The following CXCR5 variants were observed in gnomAD, a reference collection of about 807,000 sequenced individuals.
CXCR5 encodes the protein C-X-C motif chemokine receptor 5, also known as C-X-C chemokine receptor type 5.
CXCR5 carries 3 observed loss-of-function variants against 5.6 expected under a neutral mutation model. The ratio of observed to expected loss-of-function variants is 0.54; its 90% CI spans 0.24 to 1.39. The LOEUF (loss-of-function observed/expected upper bound fraction) is 1.39, where lower values mean the gene tolerates loss of function less well. Among genes scored for constraint, CXCR5 ranks in the 40% most tolerant of loss-of-function variants. The probability of loss-of-function intolerance (pLI) is 0.16; values close to 1 mark genes in which losing one functional copy is unlikely to be tolerated. For synonymous variants in CXCR5, 218 were observed against 219.9 expected, an observed-to-expected ratio of 0.99 and a Z score of 0.08; for missense variants, 333 against 494.6, an observed-to-expected ratio of 0.67 and a Z score of 3.10.
Position 118,893,611 on chromosome 11 carries a change from A to G in CXCR5, c.67A>G (p.Arg23Gly). 1 of 1,595,334 alleles carries G rather than the reference A, an allele frequency of 6.3e-7. No homozygotes were observed. The highest frequency in any genetic ancestry group is 8.6e-7 in the Non-Finnish European group (1 of 1,167,376). Residue 23 changes from arginine to glycine, a missense_variant, in exon 2 of 2, where the codon AGA (arginine) becomes GGA (glycine). Transcript: ENST00000292174. The surrounding 1 kb of genome is among the most constrained non-coding windows in gnomAD (Gnocchi z 5.7). ...GCCCTTGCAGTTCTGGGAACTGGAC[A>G]GATTGGACAACTATAACGACACCTC... is the stretch of plus-strand genomic sequence containing the variant. ...NLEDLFWELD[R>G]LDNYNDTSLV...
chr11:118,889,818 G>GATGT (rs1939780500), intron 1 of CXCR5, among the ~76,000 whole-genome samples: 1 of 152,184 alleles, frequency 6.6e-6, no homozygotes, highest in Admixed American at 6.5e-5. Context: ...GGAGATGGGA[G>GATGT]CCCTAGGGAG....
intron 1 of CXCR5, among the ~76,000 whole-genome samples, chr11:118,888,913 T>C (rs1157044024): frequency 2.6e-5 from 4 of 152,088 alleles, no homozygotes; most frequent in African/African-American, 9.7e-5. Flanking sequence ...GAATCCCCAT[T>C]AGCAAATGTG....
chr11:118,889,889 G>T (rs769676156), intron 1 of CXCR5, among the ~76,000 whole-genome samples: 8 of 152,148 alleles, frequency 5.3e-5, no homozygotes, highest in Non-Finnish European at 1.0e-4. Context: ...TCTTTGAAGG[G>T]CAAGAACTTG....
rs1471634106 is a variant in CXCR5, at chr11:118,896,737, C to T, written c.*2074C>T. The T allele has an allele frequency of 6.5e-6, 1 of 152,780 alleles. No homozygotes were observed. The highest frequency in any genetic ancestry group is 6.5e-5 in the Admixed American group (1 of 15,286). The allele number at this position is 152,780 out of a possible 1,614,324, so 9.5% of individuals were successfully genotyped here. ...ACAGCTGCCAGTGCAAGACCAGGCC[C>T]TCCAGGCCAGGAAGGCTAGGGACGG... On this transcript the variant is annotated 3_prime_UTR_variant, in exon 2 of 2. Coordinates refer to ENST00000292174, the MANE Select transcript of CXCR5 (RefSeq NM_001716.5).
chr11:118,887,195 G>A, intron 1 of CXCR5: 1 of 972,400 alleles, frequency 1.0e-6, no homozygotes, highest in African/African-American at 1.8e-5. Flanking sequence ...CAGGGACGCA[G>A]GCTGCAGCTG....
Position 118,893,351 on chromosome 11 carries a change from A to G in CXCR5, c.52-245A>G. ...TATGGGGTCCAGCCCTCCAGCACTT[A>G]CAAAGCTCAGCCACCCGCACGCCTC... On this transcript the variant is annotated intron_variant, in intron 1 of 1. Transcript: ENST00000292174. This position sits in a 1 kb window ranked among gnomAD's most constrained non-coding sequence, Gnocchi z 5.7. The G allele has an allele frequency of 1.0e-6, 1 of 982,288 alleles. No individual in the cohort carries two copies. Among genetic ancestry groups the G allele is most frequent in the Non-Finnish European group, 1.2e-6 (1 of 827,094 alleles). 60.8% of individuals were successfully genotyped at this position (982,288 alleles called of 1,614,324 possible). A position where few individuals can be genotyped will look rare whatever the true frequency, so the allele number is the denominator to read the frequency against.
intron 1 of CXCR5, chr11:118,886,789 G>A: frequency 5.5e-6 from 1 of 182,534 alleles, no homozygotes; most frequent in Non-Finnish European, 1.2e-5. Flanking sequence ...GCACGGTGAA[G>A]CTGGTCCAAG....
chr11:118,888,984 A>G (rs1939765928), intron 1 of CXCR5, among the ~76,000 whole-genome samples: 1 of 152,168 alleles, frequency 6.6e-6, no homozygotes, highest in Non-Finnish European at 1.5e-5. Context: ...TGGAGAAGTC[A>G]GGTGGGGCTT....
At position 118,895,330 on chromosome 11, in the gene CXCR5, C is replaced by A; in HGVS notation, c.*667C>A. On this transcript the variant is annotated 3_prime_UTR_variant, in exon 2 of 2. Coordinates refer to ENST00000292174, the MANE Select transcript of CXCR5 (RefSeq NM_001716.5). This position sits in a 1 kb window ranked among gnomAD's most constrained non-coding sequence, Gnocchi z 4.2. ...ACAGCGCTGGGTCCACCCCATGTCACCGGATCCTGGGTGGTCTGCAGGCAG... is the reference window on the plus strand; with the variant it reads ...ACAGCGCTGGGTCCACCCCATGTCAACGGATCCTGGGTGGTCTGCAGGCAG... The A allele has an allele frequency of 6.0e-6, 1 of 167,232 alleles. No homozygotes were observed. The allele number at this position is 167,232 out of a possible 1,614,324, so 10.4% of individuals were successfully genotyped here.
Position 118,894,330 on chromosome 11 carries a change from C to A in CXCR5, c.786C>A (p.Ile262=). Reference sequence around the variant, plus strand: ...GGCAGAAGGCAGTCAGGGTGGCCATCCTGGTGACAAGCATCTTCTTCCTCT... The same window carrying A: ...GGCAGAAGGCAGTCAGGGTGGCCATACTGGTGACAAGCATCTTCTTCCTCT... ...PQRQKAVRVA[I]LVTSIFFLCW... The change falls in exon 2 of 2, where the codon ATC becomes ATA. Residue 262 remains isoleucine, a synonymous_variant. Coordinates refer to ENST00000292174, the MANE Select transcript of CXCR5 (RefSeq NM_001716.5). This position sits in a 1 kb window ranked among gnomAD's most constrained non-coding sequence, Gnocchi z 6.1. 6.2e-7 allele frequency: 1 copy of A among 1,614,206 alleles called. No homozygotes were observed. The highest frequency in any genetic ancestry group is 8.5e-7 in the Non-Finnish European group (1 of 1,180,036).
intron 1 of CXCR5, among the ~76,000 whole-genome samples, chr11:118,891,200 G>A (rs1028888505): frequency 4.6e-5 from 7 of 152,060 alleles, no homozygotes; most frequent in Non-Finnish European, 1.0e-4. Context: ...ATGGGGTCTC[G>A]CTATGTCATG....
In CXCR5 at chr11:118,894,167, A is replaced by G; in HGVS notation, c.623A>G (p.Asn208Ser). 1 of 1,614,026 alleles carries G rather than the reference A, an allele frequency of 6.2e-7. No homozygotes were observed. The highest frequency in any genetic ancestry group is 8.5e-7 in the Non-Finnish European group (1 of 1,180,024). ...SLPRCTFSQE[N>S]QAETHAWFTS... ...CCACGTTGCACCTTCTCCCAAGAGA[A>G]CCAAGCAGAAACGCATGCCTGGTTC... Residue 208 changes from asparagine to serine, a missense_variant, in exon 2 of 2, where the codon AAC (asparagine) becomes AGC (serine). Physicochemically the swap from Asn to Ser is conservative, Grantham distance 46 (BLOSUM62 1). Transcript: ENST00000292174. The surrounding 1 kb of genome is among the most constrained non-coding windows in gnomAD (Gnocchi z 6.1).
intron 1 of CXCR5, among the ~76,000 whole-genome samples, chr11:118,888,809 C>T (rs1939761036): frequency 2.0e-5 from 3 of 152,238 alleles, no homozygotes; most frequent in East Asian, 1.9e-4. Flanking sequence ...TGAGAGTGCC[C>T]CCAAAGCTGG....
chr11:118,892,666 A>AT (rs1939830373), intron 1 of CXCR5, among the ~76,000 whole-genome samples: 1 of 93,026 alleles, frequency 1.1e-5, no homozygotes, highest in Admixed American at 1.1e-4. Flanking sequence ...TGCTGGGGTG[A>AT]TGGGGGGGGG....
In CXCR5 at chr11:118,893,036, C is replaced by T. The variant is rs1199812519; in HGVS notation, c.52-560C>T. The stretch of plus-strand genomic sequence containing the variant: ...TAGGAATAATATTACATACCTTGAG[C>T]GGGTTGTGCATATTGAACCAGATGG... On this transcript the variant is annotated intron_variant, in intron 1 of 1. Coordinates refer to ENST00000292174, the MANE Select transcript of CXCR5 (RefSeq NM_001716.5). This position sits in a 1 kb window ranked among gnomAD's most constrained non-coding sequence, Gnocchi z 5.7. Among the ~76,000 whole-genome samples, 3 of 152,122 alleles carry T rather than the reference C, an allele frequency of 2.0e-5. No individual in the cohort carries two copies. Among genetic ancestry groups the T allele is most frequent in the African/African-American group, 4.8e-5 (2 of 41,396 alleles).
At chr11:118,892,079 G>C (rs1939819537) in intron 1 of CXCR5, among the ~76,000 whole-genome samples, 1 of 152,122 alleles carries the variant, frequency 6.6e-6, no homozygotes, top group South Asian at 2.1e-4. Context: ...GGGACCCATG[G>C]AGAGATGGTC....
intron 1 of CXCR5, chr11:118,886,644 G>A (rs145903230): frequency 0.012 from 3,654 of 316,658 alleles, 35 homozygotes; most frequent in Non-Finnish European, 0.015. Flanking sequence ...AGCAGACCCT[G>A]TCTATGCGAC....
intron 1 of CXCR5, chr11:118,886,648 A>G (rs1939718419): frequency 3.2e-6 from 1 of 308,516 alleles, no homozygotes; most frequent in African/African-American, 2.2e-5. Flanking sequence ...GACCCTGTCT[A>G]TGCGACCCTC....
intron 1 of CXCR5, among the ~76,000 whole-genome samples, chr11:118,884,790 T>C (rs2137649434): frequency 6.6e-6 from 1 of 152,302 alleles, no homozygotes; most frequent in South Asian, 2.1e-4. Context: ...AGTGGTGCAG[T>C]TGACTTGGTT....
Sources: allele counts gnomAD v4.1 joint callset (sites outside exome capture counted in the v4.1 genomes callset), GRCh38; gene constraint gnomAD v4.1.1; non-coding constraint Gnocchi (gnomAD v3.1); transcripts MANE v1.5; gene names NCBI Gene and HGNC (gene_info 2026-07-23, HGNC 2026-07-21).